The following SEL1L2 variants were observed in gnomAD, a reference collection of about 807,000 sequenced individuals.
SEL1L2 encodes protein sel-1 homolog 2.
A neutral mutation model predicts 98.8 loss-of-function variants in SEL1L2; 89 were observed. The ratio of observed to expected loss-of-function variants is 0.90; its 90% CI spans 0.76 to 1.07. The LOEUF (loss-of-function observed/expected upper bound fraction) is 1.07. Among genes scored for constraint, SEL1L2 ranks in the 50% least tolerant of loss-of-function variants. SEL1L2 has a pLI of 0.00. For missense variants in SEL1L2, 788 were observed against 812.0 expected, an observed-to-expected ratio of 0.97 and a Z score of 0.36; for synonymous variants, 262 against 278.5, an observed-to-expected ratio of 0.94 and a Z score of 0.59.
chr20:13,993,959 C>T (rs1470510779), upstream of SEL1L2, among the ~76,000 whole-genome samples: 1 of 152,122 alleles, frequency 6.6e-6, no homozygotes, highest in Non-Finnish European at 1.5e-5. Flanking sequence ...ATGTCACTTC[C>T]TTCTTGAAGC....
chr20:13,855,646 G>A (rs78580470), intron 18 of SEL1L2, among the ~76,000 whole-genome samples: 3,025 of 152,224 alleles, frequency 0.02, 49 homozygotes, highest in Non-Finnish European at 0.03. Flanking sequence ...GGTAATTGTG[G>A]GGCCAAACTC....
rs1372192237 is a variant in SEL1L2 at position 13,865,157 on chromosome 20, G to A, written c.1645+10C>T. ...CCGGGTATGTGCTTATTTTTATCTG[G>A]GTTCCATACCTTGAATGGCAGCTCG... On this transcript the variant is annotated intron_variant, in intron 17 of 19. Coordinates refer to ENST00000284951, the MANE Select transcript of SEL1L2 (RefSeq NM_025229.2). The A allele has an allele frequency of 6.2e-7, 1 of 1,605,186 alleles. No individual in the cohort carries two copies. Among genetic ancestry groups the A allele is most frequent in the South Asian group, 1.1e-5 (1 of 90,528 alleles).
At chr20:13,927,383 GC>G (rs1274181967) in intron 3 of SEL1L2, among the ~76,000 whole-genome samples, 1 of 152,162 alleles carries the variant, frequency 6.6e-6, no homozygotes, top group Non-Finnish European at 1.5e-5. Context: ...TTGCCTTTAA[GC>G]TATGGGGGTA....
At chr20:13,932,043 G>A (rs2049167834) in intron 2 of SEL1L2, among the ~76,000 whole-genome samples, 1 of 152,034 alleles carries the variant, frequency 6.6e-6, no homozygotes. Flanking sequence ...TAAAATAGTA[G>A]GAGAATTTAA....
intron 1 of SEL1L2, among the ~76,000 whole-genome samples, chr20:13,956,703 T>C (rs1397804242): frequency 1.3e-5 from 2 of 152,108 alleles, no homozygotes; most frequent in African/African-American, 4.8e-5. Context: ...ATAAAGACTA[T>C]ATATATATCA....
chr20:13,890,333 C>G (rs1003230322), intron 5 of SEL1L2, among the ~76,000 whole-genome samples: 3 of 151,870 alleles, frequency 2.0e-5, no homozygotes, highest in Non-Finnish European at 4.4e-5. Context: ...TGGCTTACTG[C>G]AGTGCCAGAG....
chr20:13,974,050 C>T (rs940432964), intron 1 of SEL1L2, among the ~76,000 whole-genome samples: 2 of 152,050 alleles, frequency 1.3e-5, no homozygotes, highest in African/African-American at 2.4e-5. Context: ...TCACCTTGGA[C>T]GGGTCTAGAG....
intron 1 of SEL1L2, among the ~76,000 whole-genome samples, chr20:13,984,440 G>A (rs1231424566): frequency 2.0e-5 from 3 of 152,114 alleles, no homozygotes; most frequent in Non-Finnish European, 2.9e-5. Flanking sequence ...GGCATTGTTG[G>A]CAATTTCTAT....
intron 17 of SEL1L2, 88 bp from the exon 18 acceptor site, chr20:13,859,522 T>G: frequency 1.7e-6 from 2 of 1,160,490 alleles, no homozygotes; most frequent in African/African-American, 1.6e-5. Flanking sequence ...CTTGTTTCAG[T>G]CCTTTAAAAT....
intron 5 of SEL1L2, among the ~76,000 whole-genome samples, chr20:13,897,575 T>A (rs2047476279): frequency 6.6e-6 from 1 of 152,146 alleles, no homozygotes; most frequent in Non-Finnish European, 1.5e-5. Context: ...AGTACCCCAA[T>A]TTTTAAAATG....
Position 13,869,451 on chromosome 20 carries a change from TTAA to T in SEL1L2, c.1255+49_1255+51del, listed in dbSNP as rs1401080037. 7.5e-6 allele frequency: 10 copies of T among 1,328,656 alleles called. No homozygotes were observed. The East Asian group carries it at 2.1e-4, about 27-fold the overall frequency. 82.3% of individuals were successfully genotyped at this position (1,328,656 alleles called of 1,614,324 possible). On this transcript the variant is annotated intron_variant, in intron 14 of 19. Transcript: ENST00000284951. ...GATGTTTGTTATAAAAGAAGCAGAC[TTAA>T]TAATGCATATGTCATTCTAAATAAA...
At chr20:13,913,985 G>T in intron 4 of SEL1L2, 41 bp from the exon 5 acceptor site, 1 of 1,518,222 alleles carries the variant, frequency 6.6e-7, no homozygotes, top group Non-Finnish European at 8.8e-7. Context: ...TTTCAAAAAT[G>T]AAATTTTCTT....
At position 13,859,394 on chromosome 20, in the gene SEL1L2, G is replaced by A; in HGVS notation, c.1686C>T (p.Tyr562=). Residue 562 remains tyrosine, a synonymous_variant, in exon 18 of 20, where the codon TAC becomes TAT. Coordinates refer to ENST00000284951, the MANE Select transcript of SEL1L2 (RefSeq NM_025229.2). The part of the protein sequence containing the change: ...FARVKIGDYH[Y]YGYGTKKDYQ... ...AGTCTTTCTTAGTCCCATAGCCATA[G>A]TAATGGTAATCTCCAATTTTTACTC... 1.2e-6 allele frequency: 2 copies of A among 1,613,994 alleles called. No individual in the cohort carries two copies. Among genetic ancestry groups the A allele is most frequent in the Non-Finnish European group, 1.7e-6 (2 of 1,179,902 alleles).
intron 3 of SEL1L2, among the ~76,000 whole-genome samples, chr20:13,929,014 G>A (rs2049013013): frequency 6.6e-6 from 1 of 152,096 alleles, no homozygotes. Flanking sequence ...ATCAAAAGGA[G>A]ATTATTCTAG....
chr20:13,875,985 G>A (rs1292594387), intron 12 of SEL1L2, 53 bp downstream of exon 12: 5 of 1,372,498 alleles, frequency 3.6e-6, no homozygotes, highest in Non-Finnish European at 5.2e-6. Flanking sequence ...CAGTCTGCGT[G>A]TAATAAAAGC....
At chr20:13,961,569 A>G (rs2050773257) in intron 1 of SEL1L2, among the ~76,000 whole-genome samples, 1 of 152,228 alleles carries the variant, frequency 6.6e-6, no homozygotes, top group Non-Finnish European at 1.5e-5. Flanking sequence ...AGCTTGGGTT[A>G]AAAGAAATTG....
chr20:13,856,786 A>G (rs1249625640), intron 18 of SEL1L2, among the ~76,000 whole-genome samples: 1 of 152,250 alleles, frequency 6.6e-6, no homozygotes, highest in African/African-American at 2.4e-5. Flanking sequence ...TTTATAAAGC[A>G]TTATTCCATA....
At chr20:13,990,052 T>C (rs921970267) in intron 1 of SEL1L2, among the ~76,000 whole-genome samples, 1 of 152,202 alleles carries the variant, frequency 6.6e-6, no homozygotes, top group Non-Finnish European at 1.5e-5. Flanking sequence ...GGAAGTGAAA[T>C]TGTTATTGTG....
intron 5 of SEL1L2, among the ~76,000 whole-genome samples, chr20:13,909,445 A>G (rs2048120928): frequency 6.6e-6 from 1 of 152,224 alleles, no homozygotes; most frequent in African/African-American, 2.4e-5. Context: ...GGTGACAGGG[A>G]TGATAGTCAA....
Sources: allele counts gnomAD v4.1 joint callset (sites outside exome capture counted in the v4.1 genomes callset), GRCh38; gene constraint gnomAD v4.1.1; transcripts MANE v1.5; gene names NCBI Gene and HGNC (gene_info 2026-07-23, HGNC 2026-07-21).